Variants in PPP2R2B observed in about 807,000 individuals in gnomAD.
PPP2R2B encodes the protein protein phosphatase 2 regulatory subunit Bbeta.
A neutral mutation model predicts 46.0 loss-of-function variants in PPP2R2B; 5 were observed. The observed-to-expected ratio is 0.11, with a 90% CI of 0.06 to 0.23. PPP2R2B has a LOEUF of 0.23. Ranked by LOEUF, PPP2R2B falls within the 10% of genes least tolerant of loss-of-function variation. The pLI is 1.00. For synonymous variants in PPP2R2B, 215 were observed against 206.7 expected (o/e 1.04, Z -0.34); for missense variants, 367 against 575.0 (o/e 0.64, Z 3.70).
chr5:146,802,800 A>G (rs1357747299), intron 2 of PPP2R2B, among the ~76,000 whole-genome samples: 4 of 152,168 alleles, frequency 2.6e-5, no homozygotes, highest in Non-Finnish European at 4.4e-5. Flanking sequence ...ACAAAAAAGG[A>G]GATCAAGCCT....
At chr5:146,829,728 T>A (rs1007144329) in intron 2 of PPP2R2B, among the ~76,000 whole-genome samples, 1 of 152,146 alleles carries the variant, frequency 6.6e-6, no homozygotes, top group Admixed American at 6.5e-5. Flanking sequence ...TCTCAAACTA[T>A]CCAAAGAATC....
intron 1 of PPP2R2B, among the ~76,000 whole-genome samples, chr5:146,957,689 T>A (rs6872067): frequency 0.85 from 128,907 of 152,174 alleles, 55,108 homozygotes; most frequent in African/African-American, 0.94. Context: ...GGCACCAATC[T>A]CACCATAGTC....
chr5:146,948,922 T>C (rs760816372), intron 1 of PPP2R2B, among the ~76,000 whole-genome samples: 2 of 152,092 alleles, frequency 1.3e-5, no homozygotes, highest in Non-Finnish European at 2.9e-5. Context: ...AAGACTCATC[T>C]AAGGACTTTG....
chr5:146,793,511 CTTG>C (rs1756341752), intron 2 of PPP2R2B, among the ~76,000 whole-genome samples: 1 of 152,108 alleles, frequency 6.6e-6, no homozygotes, highest in African/African-American at 2.4e-5. Context: ...TCCCTATAAC[CTTG>C]TTAAGTCAGT....
At chr5:146,627,618 G>C (rs1208795184) in intron 7 of PPP2R2B, among the ~76,000 whole-genome samples, 1 of 152,186 alleles carries the variant, frequency 6.6e-6, no homozygotes, top group African/African-American at 2.4e-5. Context: ...TATCCTGTCA[G>C]ATGCCCAGCA....
intron 7 of PPP2R2B, among the ~76,000 whole-genome samples, chr5:146,604,357 A>G (rs1772063348): frequency 1.3e-5 from 2 of 152,188 alleles, no homozygotes; most frequent in Admixed American, 6.5e-5. Flanking sequence ...CTTAGGACAA[A>G]TCAACACTAG....
chr5:146,883,188 T>C (rs188818583), upstream of PPP2R2B, among the ~76,000 whole-genome samples: 7 of 152,348 alleles, frequency 4.6e-5, no homozygotes, highest in Admixed American at 3.3e-4. Context: ...TGGTGAGTAG[T>C]TTAACATCTC....
chr5:146,964,062 G>A (rs994330634), intron 1 of PPP2R2B, among the ~76,000 whole-genome samples: 8 of 152,174 alleles, frequency 5.3e-5, no homozygotes, highest in African/African-American at 1.9e-4. Flanking sequence ...AAGTCAGCTG[G>A]ACACTGGGGT....
rs183045078 is a variant in PPP2R2B at position 146,691,227 on chromosome 5, C to T, written c.348G>A (p.Lys116=). Reference sequence around the variant, plus strand: ...TATCACGCTCGCTGACTTTCCACAGCTTCACAGTTTTATCTGTAGTGGGCA... The same window carrying T: ...TATCACGCTCGCTGACTTTCCACAGTTTCACAGTTTTATCTGTAGTGGGCA... ...FLLSTNDKTV[K]LWKVSERDKR... Residue 116 remains lysine, a synonymous_variant, in exon 5 of 10, where the codon AAG becomes AAA. Coordinates refer to ENST00000394411, the MANE Select transcript of PPP2R2B (RefSeq NM_181675.4). 2 of 1,614,048 alleles carry T rather than the reference C, an allele frequency of 1.2e-6. No homozygotes were observed. Among genetic ancestry groups the T allele is most frequent in the East Asian group, 2.2e-5 (1 of 44,884 alleles).
At chr5:147,055,871 T>C (rs538507369) in exon 1 of PPP2R2B, 12 of 1,462,366 alleles carry the variant, frequency 8.2e-6, no homozygotes, top group East Asian at 2.5e-5. Context: ...TTTGCAAAGC[T>C]GGGGTGCCCG....
At chr5:146,723,114 G>A (rs749871518) in intron 2 of PPP2R2B, among the ~76,000 whole-genome samples, 47 of 152,252 alleles carry the variant, frequency 3.1e-4, no homozygotes, top group African/African-American at 9.6e-4. Flanking sequence ...TTATTACACC[G>A]TAAGGTAACT....
At position 147,051,753 on chromosome 5, in the gene PPP2R2B, C is replaced by CTTTTTTTTTTT. The variant is rs60522229; in HGVS notation, c.79+3901_79+3911dup. On this transcript the variant is annotated intron_variant, in intron 1 of 8. Coordinates refer to the PPP2R2B transcript ENST00000336640. ...GACTCTCTCATTTCTGTTTTGCTTC[C>CTTTTTTTTTTT]TTTTTTTTTTTTTTTTTTTTTTTTT... Among the ~76,000 whole-genome samples, 2 of 92,366 alleles carry CTTTTTTTTTTT rather than the reference C, an allele frequency of 2.2e-5. 1 individual carries two copies. Among genetic ancestry groups the CTTTTTTTTTTT allele is most frequent in the Admixed American group, 2.8e-4 (2 of 7,222 alleles). 60.6% of individuals were successfully genotyped at this position (92,366 alleles called of 152,430 possible).
intron 1 of PPP2R2B, among the ~76,000 whole-genome samples, chr5:146,995,175 A>G (rs1753870628): frequency 6.6e-6 from 1 of 152,118 alleles, no homozygotes; most frequent in Admixed American, 6.5e-5. Context: ...TTCTTCAGAG[A>G]GATTTTTCTG....
In PPP2R2B at chr5:147,063,886, G is replaced by C. The variant is rs904753915; in HGVS notation, c.50+17173C>G. Among the ~76,000 whole-genome samples, 3 of 152,170 alleles carry C rather than the reference G, an allele frequency of 2.0e-5. No individual in the cohort carries two copies. In the South Asian group the frequency reaches 6.2e-4, roughly 31 times the overall value. ...ACTTAGAGATACAGAATAGGCATTT[G>C]AGTAAGTGGTTTTAACGTCTTTTCA... On this transcript the variant is annotated intron_variant, in intron 2 of 10. Coordinates refer to the PPP2R2B transcript ENST00000394413.
intron 2 of PPP2R2B, 181 bp from the exon 3 acceptor site, chr5:146,701,323 C>A: frequency 1.3e-6 from 1 of 743,886 alleles, no homozygotes. Flanking sequence ...AAGTAAATTT[C>A]CTAGATGCCC....
At chr5:146,657,438 A>G (rs968514504) in intron 5 of PPP2R2B, among the ~76,000 whole-genome samples, 1 of 152,230 alleles carries the variant, frequency 6.6e-6, no homozygotes, top group Non-Finnish European at 1.5e-5. Context: ...TTAGCTGTTT[A>G]GTAACTCTAG....
Position 146,737,992 on chromosome 5 carries a change from G to T in PPP2R2B, c.71-36850C>A, listed in dbSNP as rs183969220. Among the ~76,000 whole-genome samples, 35 of 151,940 alleles carry T rather than the reference G, an allele frequency of 2.3e-4. No individual in the cohort carries two copies. The East Asian group carries it at 6.4e-3, about 28-fold the overall frequency. On this transcript the variant is annotated intron_variant, in intron 2 of 9. Coordinates refer to ENST00000394411, the MANE Select transcript of PPP2R2B (RefSeq NM_181675.4). The stretch of plus-strand genomic sequence containing the variant: ...TTGTTAGAAACCTACTCAGACCTGG[G>T]GACTATGTTCGACCTTGAAGGTACA...
intron 2 of PPP2R2B, among the ~76,000 whole-genome samples, chr5:146,813,752 T>C (rs1388582328): frequency 3.9e-5 from 6 of 152,162 alleles, no homozygotes; most frequent in Non-Finnish European, 7.3e-5. Flanking sequence ...AATAGCCGAA[T>C]AATCAAAAGA....
intron 2 of PPP2R2B, among the ~76,000 whole-genome samples, chr5:147,070,859 A>G (rs906586480): frequency 1.3e-5 from 2 of 152,202 alleles, no homozygotes; most frequent in Admixed American, 6.5e-5. Context: ...GTATAAAGCT[A>G]GTTAGGCTAA....
Sources: allele counts gnomAD v4.1 joint callset (sites outside exome capture counted in the v4.1 genomes callset), GRCh38; gene constraint gnomAD v4.1.1; transcripts MANE v1.5; gene names NCBI Gene and HGNC (gene_info 2026-07-23, HGNC 2026-07-21).